LRRC45: variants seen among roughly 807,000 people sequenced by gnomAD.
The protein encoded by LRRC45 is leucine rich repeat containing 45, also known as leucine-rich repeat-containing protein 45.
In LRRC45, 73 loss-of-function variants were observed where a neutral mutation model predicts 85.4. The ratio of observed to expected loss-of-function variants is 0.85; its 90% CI spans 0.71 to 1.04. The LOEUF is 1.04. Among genes scored for constraint, LRRC45 ranks in the 50% least tolerant of loss-of-function variants. LRRC45 has a pLI of 0.00. For missense variants in LRRC45, 937 were observed against 883.3 expected, an observed-to-expected ratio of 1.06 and a Z score of -0.77; for synonymous variants, 429 against 386.0, an observed-to-expected ratio of 1.11 and a Z score of -1.31.
intron 7 of LRRC45, 91 bp from the exon 8 acceptor site, chr17:82,027,583 C>T (rs561590005): frequency 4.2e-4 from 648 of 1,540,638 alleles, no homozygotes; most frequent in Non-Finnish European, 5.6e-4. Flanking sequence ...ACCATAGATG[C>T]TTAAGGAACA....
Position 82,029,584 on chromosome 17 carries a change from C to G in LRRC45, c.1443C>G (p.Gly481=). 6.3e-7 allele frequency: 1 copy of G among 1,581,228 alleles called. No individual in the cohort carries two copies. The highest frequency in any genetic ancestry group is 8.6e-7 in the Non-Finnish European group (1 of 1,165,124). The part of the protein sequence containing the change: ...RVKAAALSER[G]QAEEELIKAK... Reference sequence around the variant, plus strand: ...AAGCAGCGGCACTCAGCGAGCGTGGCCAGGCTGAGGAGGAGCTGATCAAGG... The same window carrying G: ...AAGCAGCGGCACTCAGCGAGCGTGGGCAGGCTGAGGAGGAGCTGATCAAGG... The change falls in exon 14 of 17, where the codon GGC becomes GGG. Residue 481 remains glycine (G), a synonymous_variant. Coordinates refer to ENST00000306688, the MANE Select transcript of LRRC45 (RefSeq NM_144999.4).
At chr17:82,026,695 C>T (rs2043370955) in intron 5 of LRRC45, 1 of 416,438 alleles carries the variant, frequency 2.4e-6, no homozygotes, top group East Asian at 5.1e-5. Context: ...TTTCCTGCCT[C>T]AGCCTCCCGA....
In LRRC45 at chr17:82,025,025, G is replaced by A; in HGVS notation, c.379G>A (p.Gly127Ser). 6.3e-7 allele frequency: 1 copy of A among 1,599,672 alleles called. No individual in the cohort carries two copies. Among genetic ancestry groups the A allele is most frequent in the Non-Finnish European group, 8.5e-7 (1 of 1,173,596 alleles). The change falls in exon 4 of 17, where the codon GGC becomes AGC. Residue 127 changes from glycine (G) to serine (S), a missense_variant. Gly to Ser is a moderately conservative substitution (Grantham distance 56). Transcript: ENST00000306688. ...CCTCACGCTGGAGTGGAACAGCCTG[G>A]GCACGTGGGACGATGCCTTCGCCAC... ...QSLTLEWNSL[G>S]TWDDAFATFC...
rs546762726 is a variant in LRRC45, at chr17:82,028,000, C to T, written c.912-11C>T. ...CAACCGGGGCGGGGGTGCTGCCCCT[C>T]CTTTCTGCAGGCTGCAGATGACAGA... is the stretch of plus-strand genomic sequence containing the variant. On this transcript the variant is annotated splice_polypyrimidine_tract_variant and intron_variant, in intron 8 of 16. Transcript: ENST00000306688. 2 of 1,591,700 alleles carry T rather than the reference C, an allele frequency of 1.3e-6. No homozygotes were observed. Among genetic ancestry groups the T allele is most frequent in the South Asian group, 2.2e-5 (2 of 89,536 alleles).
In LRRC45 at chr17:82,028,089, G is replaced by GC; in HGVS notation, c.991dup (p.Gln331ProfsTer27). ...TGGGGGAGCTCCTGGCCACAGCGGA[G>GC]CAGGAGCAGCTGAGCCTGTCACAGA... On this transcript the variant is annotated frameshift_variant, in exon 9 of 17. Coordinates refer to ENST00000306688, the MANE Select transcript of LRRC45 (RefSeq NM_144999.4). LOFTEE classifies it high-confidence loss of function. 2 of 1,587,516 alleles carry GC rather than the reference G, an allele frequency of 1.3e-6. No homozygotes were observed. Among genetic ancestry groups the GC allele is most frequent in the Non-Finnish European group, 1.7e-6 (2 of 1,168,528 alleles).
chr17:82,027,901 G>T, intron 8 of LRRC45, 110 bp from the exon 9 acceptor site: 1 of 1,517,088 alleles, frequency 6.6e-7, no homozygotes, highest in Non-Finnish European at 8.9e-7. Context: ...TGGAGGAGGC[G>T]GGTGCTGGCT....
At position 82,024,778 on chromosome 17, in the gene LRRC45, C is replaced by T. The variant is rs556066521; in HGVS notation, c.353+15C>T. ...TCCATTCAGAGGTGGGTGGTGGTCC[C>T]GACCCCAGGCCCTGTCTCTGTGTGG... On this transcript the variant is annotated intron_variant, in intron 3 of 16. Transcript: ENST00000306688. The T allele has an allele frequency of 3.8e-5, 60 of 1,570,048 alleles. No individual in the cohort carries two copies. Among genetic ancestry groups the T allele is most frequent in the Admixed American group, 8.1e-5 (4 of 49,174 alleles).
At position 82,028,248 on chromosome 17, in the gene LRRC45, G is replaced by T; in HGVS notation, c.1062G>T (p.Arg354=). The T allele has an allele frequency of 6.3e-7, 1 of 1,576,482 alleles. No homozygotes were observed. The change falls in exon 10 of 17, where the codon CGG becomes CGT. Residue 354 remains arginine (R), a synonymous_variant. Coordinates refer to ENST00000306688, the MANE Select transcript of LRRC45 (RefSeq NM_144999.4). ...LKLEQQEAAE[R]ESKLLRDLSA... ...TCCCCTCCCAGGAAGCTGCAGAGCGGGAGTCTAAACTCCTCAGAGACTTGT... is the reference window on the plus strand; with the variant it reads ...TCCCCTCCCAGGAAGCTGCAGAGCGTGAGTCTAAACTCCTCAGAGACTTGT...
chr17:82,024,046 T>A (rs371457415), intron 1 of LRRC45, 183 bp downstream of exon 1: 7 of 714,454 alleles, frequency 9.8e-6, no homozygotes, highest in African/African-American at 7.1e-5. Context: ...GGGAGAGGCC[T>A]TAACATTCGC....
intron 3 of LRRC45, 108 bp from the exon 4 acceptor site, chr17:82,024,892 G>A: frequency 2.1e-6 from 3 of 1,439,480 alleles, no homozygotes; most frequent in Non-Finnish European, 2.8e-6. Context: ...GCAGGGGTAG[G>A]CAGAGGCTCC....
Position 82,025,157 on chromosome 17 carries a change from A to G in LRRC45, c.511A>G (p.Asn171Asp). ...GGAGCTGGCCCTAGCCCTGAAGGGC[A>G]ACACCACCCTCCAGCAGCTGGGTGA... ...AEELALALKG[N>D]TTLQQLDLRW... The change falls in exon 4 of 17, where the codon AAC becomes GAC. Residue 171 changes from asparagine (N) to aspartate (D), a missense_variant. By Grantham distance (23) the Asn-to-Asp change is conservative. Coordinates refer to ENST00000306688, the MANE Select transcript of LRRC45 (RefSeq NM_144999.4). The G allele has an allele frequency of 1.2e-6, 2 of 1,602,456 alleles. No homozygotes were observed. The highest frequency in any genetic ancestry group is 1.7e-6 in the Non-Finnish European group (2 of 1,173,670).
intron 4 of LRRC45, 25 bp downstream of exon 4, chr17:82,025,203 G>A (rs755774211): frequency 2.5e-6 from 4 of 1,569,134 alleles, no homozygotes; most frequent in Admixed American, 1.8e-5. Flanking sequence ...GCGCCCTCAG[G>A]CTCCCTCATC....
intron 5 of LRRC45, among the ~76,000 whole-genome samples, chr17:82,026,619 A>C (rs1355419108): frequency 1.4e-5 from 2 of 143,572 alleles, no homozygotes; most frequent in East Asian, 2.0e-4. Context: ...TCACTCAGTC[A>C]CCCAGGCTGG....
Position 82,024,698 on chromosome 17 carries a change from C to G in LRRC45, c.288C>G (p.Asn96Lys). Residue 96 changes from asparagine (N) to lysine (K), a missense_variant, in exon 3 of 17, where the codon AAC (asparagine) becomes AAG (lysine). Asn to Lys is a moderately conservative substitution (Grantham distance 94). Transcript: ENST00000306688. Reference sequence around the variant, plus strand: ...CCGGCCTGTTTCTCTCCTAGGGCAACAACCTTCGGGCTGCAGGGGCCGAGG... The same window carrying G: ...CCGGCCTGTTTCTCTCCTAGGGCAAGAACCTTCGGGCTGCAGGGGCCGAGG... Reference protein sequence around the residue: ...TVLRFLDLKGNNLRAAGAEAL... With the variant: ...TVLRFLDLKGKNLRAAGAEAL... 6.4e-7 allele frequency: 1 copy of G among 1,572,204 alleles called. No homozygotes were observed. The highest frequency in any genetic ancestry group is 8.6e-7 in the Non-Finnish European group (1 of 1,163,046).
chr17:82,024,822 C>T, intron 3 of LRRC45, 59 bp downstream of exon 3: 2 of 1,524,692 alleles, frequency 1.3e-6, no homozygotes, highest in Non-Finnish European at 1.8e-6. Flanking sequence ...TGGCCCCGAG[C>T]ACATGCTTCT....
At chr17:82,029,055 C>T (rs772504489) in intron 12 of LRRC45, 38 bp from the exon 13 acceptor site, 98 of 1,575,162 alleles carry the variant, frequency 6.2e-5, no homozygotes, top group Non-Finnish European at 8.1e-5. Context: ...GGGAGGCCCG[C>T]TCTCCACTCT....
At chr17:82,028,212 C>G in intron 9 of LRRC45, 22 bp from the exon 10 acceptor site, 2 of 1,564,124 alleles carry the variant, frequency 1.3e-6, no homozygotes, top group Non-Finnish European at 1.7e-6. Flanking sequence ...CCCTCACTAC[C>G]CATACCCCGT....
rs1179020550 is a variant in LRRC45, at chr17:82,023,766, C to T, written c.123C>T (p.Ser41=). The part of the protein sequence containing the change: ...PRGRLDLATQ[S]LTVETCRALG... ...GCCGGCTGGACCTGGCCACGCAAAG[C>T]CTGACGGTGGAGACCTGCAGGGCCC... Residue 41 remains serine, a synonymous_variant, in exon 1 of 17, where the codon AGC becomes AGT. Coordinates refer to ENST00000306688, the MANE Select transcript of LRRC45 (RefSeq NM_144999.4). The T allele has an allele frequency of 1.9e-6, 3 of 1,560,588 alleles. No individual in the cohort carries two copies. In the Admixed American group the frequency reaches 5.7e-5, roughly 30 times the overall value.
In LRRC45 at chr17:82,030,048, G is replaced by A. The variant is rs1378259561; in HGVS notation, c.1495-17G>A. 2.6e-6 allele frequency: 4 copies of A among 1,536,900 alleles called. No homozygotes were observed. The highest frequency in any genetic ancestry group is 3.5e-6 in the Non-Finnish European group (4 of 1,144,374). ...GGCTGAGCCCCTCATGCTTCGTGGC[G>A]GCCCCTGTGCTCACAGCAACAGCGC... On this transcript the variant is annotated splice_polypyrimidine_tract_variant and intron_variant, in intron 14 of 16. Coordinates refer to ENST00000306688, the MANE Select transcript of LRRC45 (RefSeq NM_144999.4).
Sources: gnomAD v4.1 joint callset for allele counts (sites outside exome capture counted in the v4.1 genomes callset) on GRCh38, gnomAD v4.1.1 for gene constraint, MANE v1.5 for transcripts, NCBI Gene and HGNC (gene_info 2026-07-23, HGNC 2026-07-21) for gene names.